The following STYK1 variants were observed in gnomAD, a reference collection of about 807,000 sequenced individuals.
STYK1 encodes the protein STY kinase 1.
Under a neutral mutation model 48.1 loss-of-function variants are expected in STYK1, and 46 were observed. That is an observed-to-expected ratio of 0.96 (90% CI 0.75 to 1.22). The LOEUF is 1.22. Ranked by LOEUF, STYK1 falls within the 50% of genes most tolerant of loss-of-function variation. The pLI, the probability that STYK1 is intolerant of heterozygous loss-of-function variation, is 0.00. For synonymous variants in STYK1, 188 were observed against 189.0 expected (o/e 0.99, Z 0.04); for missense variants, 527 against 521.1 (o/e 1.01, Z -0.11).
intron 1 of STYK1, among the ~76,000 whole-genome samples, chr12:10,649,286 A>G (rs1947634066): frequency 6.9e-6 from 1 of 145,110 alleles, no homozygotes; most frequent in Non-Finnish European, 1.6e-5. Context: ...TTTTGTACAT[A>G]TTTGAAATTT....
At chr12:10,653,990 T>C (rs995518119) in intron 1 of STYK1, among the ~76,000 whole-genome samples, 10 of 152,218 alleles carry the variant, frequency 6.6e-5, no homozygotes, top group African/African-American at 2.4e-4. Flanking sequence ...ACAATGGCCT[T>C]GTTGATAAAA....
chr12:10,643,426 C>A (rs1947566021), intron 1 of STYK1, among the ~76,000 whole-genome samples: 1 of 152,160 alleles, frequency 6.6e-6, no homozygotes, highest in Admixed American at 6.5e-5. Flanking sequence ...GTTGCTAATT[C>A]TTGCCTGAAT....
intron 1 of STYK1, among the ~76,000 whole-genome samples, chr12:10,649,425 T>TAAACAGCAATTTGTAATGTTA (rs1217788995): frequency 6.6e-6 from 1 of 152,212 alleles, no homozygotes; most frequent in East Asian, 1.9e-4. Flanking sequence ...CAAAAATGTT[T>TAAACAGCAATTTGTAATGTTA]AATAAACAGC....
chr12:10,635,474 A>T (rs1048660429), intron 2 of STYK1, among the ~76,000 whole-genome samples: 6 of 152,226 alleles, frequency 3.9e-5, no homozygotes, highest in Admixed American at 3.3e-4. Flanking sequence ...CAGAGCTTCA[A>T]GGTGCTTCCT....
intron 1 of STYK1, among the ~76,000 whole-genome samples, chr12:10,646,824 G>A (rs921095373): frequency 1.3e-5 from 2 of 152,214 alleles, no homozygotes; most frequent in Non-Finnish European, 2.9e-5. Flanking sequence ...TGTCCCAGCT[G>A]CTCCAGCTGT....
In STYK1 at chr12:10,636,611, A is replaced by G. The variant is rs192671997; in HGVS notation, c.-69+460T>C. Among the ~76,000 whole-genome samples the G allele has an allele frequency of 4.1e-3, 630 of 152,344 alleles. 8 individuals are homozygous for G. Among genetic ancestry groups the G allele is most frequent in the Non-Finnish European group, 4.0e-3 (272 of 68,034 alleles). On this transcript the variant is annotated intron_variant, in intron 2 of 10. Coordinates refer to ENST00000075503, the MANE Select transcript of STYK1 (RefSeq NM_018423.3). ...GCACAAAGGAGAAGTTCTGAAAAATAAAACGTTGGATCAGCACGGTGAATT... is the reference window on the plus strand; with the variant it reads ...GCACAAAGGAGAAGTTCTGAAAAATGAAACGTTGGATCAGCACGGTGAATT...
intron 1 of STYK1, among the ~76,000 whole-genome samples, chr12:10,670,262 C>T (rs1947877651): frequency 6.6e-6 from 1 of 152,112 alleles, no homozygotes. Context: ...TCTGATTTCA[C>T]ATACTGCTGT....
intron 1 of STYK1, among the ~76,000 whole-genome samples, chr12:10,642,116 C>A (rs1239796747): frequency 2.6e-5 from 4 of 152,116 alleles, no homozygotes; most frequent in Admixed American, 6.5e-5. Flanking sequence ...TCAATAAGTA[C>A]CCTCAGCCAG....
Position 10,631,064 on chromosome 12 carries a change from A to G in STYK1, c.432T>C (p.Val144=), listed in dbSNP as rs991328224. ...NTGDPSKPKS[V]ILKALKEPAG... is the part of the protein sequence containing the mutation. ...TTTTACCTTTTAAAGCCTTGAGAAT[A>G]ACACTCTTGGGCTTAGAAGGGTCCC... Residue 144 remains valine (V), a synonymous_variant, in exon 5 of 11, where the codon GTT becomes GTC. Coordinates refer to ENST00000075503, the MANE Select transcript of STYK1 (RefSeq NM_018423.3). 2.5e-6 allele frequency: 4 copies of G among 1,613,970 alleles called. No homozygotes were observed. Among genetic ancestry groups the G allele is most frequent in the African/African-American group, 2.7e-5 (2 of 74,918 alleles).
chr12:10,622,791 G>C, intron 8 of STYK1, 113 bp from the exon 9 acceptor site: 1 of 1,256,224 alleles, frequency 8.0e-7, no homozygotes, highest in Non-Finnish European at 1.1e-6. Flanking sequence ...CAATGAAGGA[G>C]AATCAAGGAT....
At position 10,629,672 on chromosome 12, in the gene STYK1, G is replaced by C; in HGVS notation, c.454C>G (p.Pro152Ala). Reference sequence around the variant, plus strand: ...TCTTGTACCTCATGGAGCCCAGCTGGTTCTGTAGAGGACGAAAGATCCAGG... The same window carrying C: ...TCTTGTACCTCATGGAGCCCAGCTGCTTCTGTAGAGGACGAAAGATCCAGG... ...KSVILKALKE[P>A]AGLHEVQDFL... Residue 152 changes from proline to alanine, a missense_variant and splice_region_variant, in exon 6 of 11, where the codon CCA (proline) becomes GCA (alanine). By Grantham distance (27) the Pro-to-Ala change is conservative. Transcript: ENST00000075503. 1 of 1,614,136 alleles carries C rather than the reference G, an allele frequency of 6.2e-7. No individual in the cohort carries two copies. The highest frequency in any genetic ancestry group is 2.2e-5 in the East Asian group (1 of 44,884).
intron 1 of STYK1, among the ~76,000 whole-genome samples, chr12:10,664,213 C>T (rs965638366): frequency 2.0e-5 from 3 of 152,156 alleles, no homozygotes; most frequent in African/African-American, 4.8e-5. Context: ...GAACCCAGCT[C>T]ATTTTCCCCT....
rs1399971664 is a variant in STYK1 at position 10,672,406 on chromosome 12, TC to T, written c.-195+1559del. The stretch of plus-strand genomic sequence containing the variant: ...ATTAGATTTTCTTTCTTTTTCTTCC[TC>T]TTGTATTTTTGGTAGAGATGGGTTT... On this transcript the variant is annotated intron_variant, in intron 1 of 10. Coordinates refer to ENST00000075503, the MANE Select transcript of STYK1 (RefSeq NM_018423.3). The surrounding 1 kb of genome is among the most constrained non-coding windows in gnomAD (Gnocchi z 4.0). 1.3e-5 allele frequency among the ~76,000 whole-genome samples: 2 copies of T among 152,134 alleles called. No individual in the cohort carries two copies. The highest frequency in any genetic ancestry group is 1.5e-5 in the Non-Finnish European group (1 of 68,026).
chr12:10,670,577 C>T (rs946122546), intron 1 of STYK1, among the ~76,000 whole-genome samples: 6 of 151,464 alleles, frequency 4.0e-5, no homozygotes, highest in Admixed American at 1.3e-4. Flanking sequence ...TGGGGGAATT[C>T]GAGGGGTTAG....
chr12:10,673,685 T>C (rs999518404), intron 1 of STYK1: 8 of 151,662 alleles, frequency 5.3e-5, no homozygotes, highest in South Asian at 2.1e-4. Context: ...TTCCTGGGTT[T>C]TCTCATGTTT....
chr12:10,649,604 CTCTATTT>C (rs1313503811), intron 1 of STYK1, among the ~76,000 whole-genome samples: 1 of 152,010 alleles, frequency 6.6e-6, no homozygotes, highest in Non-Finnish European at 1.5e-5. Flanking sequence ...TAATTTTTTC[CTCTATTT>C]TCTATTTTCC....
chr12:10,641,979 T>C (rs1304360792), intron 1 of STYK1, among the ~76,000 whole-genome samples: 1 of 152,220 alleles, frequency 6.6e-6, no homozygotes, highest in Non-Finnish European at 1.5e-5. Flanking sequence ...TCCGGAAGCA[T>C]GTCACCTGAC....
chr12:10,630,793 T>G (rs1591679681), intron 5 of STYK1, among the ~76,000 whole-genome samples: 1 of 152,104 alleles, frequency 6.6e-6, no homozygotes, highest in African/African-American at 2.4e-5. Flanking sequence ...TTACTCATCA[T>G]AACATTATGC....
In STYK1 at chr12:10,629,808, C is replaced by T. The variant is rs113282775; in HGVS notation, c.452-134G>A. The T allele has an allele frequency of 1.5e-5, 12 of 802,874 alleles. No individual in the cohort carries two copies. The African/African-American group carries it at 1.9e-4, about 13-fold the overall frequency. The allele number at this position is 802,874 out of a possible 1,614,324, so 49.7% of individuals were successfully genotyped here. On this transcript the variant is annotated intron_variant, in intron 5 of 10. Transcript: ENST00000075503. ...GAGTGAATGAAGGCAAAAATAAACA[C>T]AAAGGGGACTAATTAGATGAAGATG...
Sources: allele counts gnomAD v4.1 joint callset (sites outside exome capture counted in the v4.1 genomes callset), GRCh38; gene constraint gnomAD v4.1.1; non-coding constraint Gnocchi (gnomAD v3.1); transcripts MANE v1.5; gene names NCBI Gene and HGNC (gene_info 2026-07-23, HGNC 2026-07-21).